The following CLOCK variants were observed in gnomAD, a reference collection of about 807,000 sequenced individuals.
The protein encoded by CLOCK is circadian locomoter output cycles protein kaput.
A neutral mutation model predicts 118.4 loss-of-function variants in CLOCK; 43 were observed. The observed-to-expected ratio is 0.36, with a 90% CI of 0.28 to 0.47. CLOCK has a LOEUF of 0.47. CLOCK is among the 20% of genes least tolerant of loss of function. The pLI is 1.00. For synonymous variants in CLOCK, 326 were observed against 339.2 expected, an observed-to-expected ratio of 0.96 and a Z score of 0.43; for missense variants, 846 against 999.9, an observed-to-expected ratio of 0.85 and a Z score of 2.08.
At chr4:55,477,086 G>A (rs1294442791) in intron 6 of CLOCK, among the ~76,000 whole-genome samples, 2 of 151,924 alleles carry the variant, frequency 1.3e-5, no homozygotes, top group African/African-American at 4.8e-5. Flanking sequence ...TTGGGAAAAG[G>A]ATTTAAATCC....
rs1722603467 is a variant in CLOCK at position 55,432,713 on chromosome 4, TCTTCCA to T, written c.*2696_*2701del. 6.6e-6 allele frequency: 1 copy of T among 152,144 alleles called. No individual in the cohort carries two copies. The highest frequency in any genetic ancestry group is 2.4e-5 in the African/African-American group (1 of 41,426). 9.4% of individuals were successfully genotyped at this position (152,144 alleles called of 1,614,324 possible). ...AAAGAGGCAGCTGGTGCTTACTACCTCTTCCACTACTACGCTTCAGACTGACAGAAA... is the reference window on the plus strand; with the variant it reads ...AAAGAGGCAGCTGGTGCTTACTACCTCTACTACGCTTCAGACTGACAGAAA... On this transcript the variant is annotated 3_prime_UTR_variant, in exon 23 of 23. Coordinates refer to ENST00000513440, the MANE Select transcript of CLOCK (RefSeq NM_004898.4).
intron 1 of CLOCK, among the ~76,000 whole-genome samples, chr4:55,530,022 T>A (rs1171876079): frequency 6.6e-6 from 1 of 152,226 alleles, no homozygotes; most frequent in Non-Finnish European, 1.5e-5. Flanking sequence ...AATATTCTGC[T>A]AGTAAGTATC....
chr4:55,499,758 T>C (rs1728315119), intron 2 of CLOCK, among the ~76,000 whole-genome samples: 3 of 152,354 alleles, frequency 2.0e-5, no homozygotes, highest in South Asian at 2.1e-4. Flanking sequence ...TGAGCAGTGG[T>C]TTACACCATA....
intron 1 of CLOCK, among the ~76,000 whole-genome samples, chr4:55,539,981 C>T (rs111240180): frequency 0.034 from 5,101 of 149,948 alleles, 103 homozygotes; most frequent in Non-Finnish European, 0.054. Flanking sequence ...ACAGCACTTT[C>T]GGTGGTATGA....
chr4:55,530,932 G>A lies in CLOCK; in HGVS notation c.-290+15850C>T, dbSNP rs994990217. Among the ~76,000 whole-genome samples, 11 of 152,014 alleles carry A rather than the reference G, an allele frequency of 7.2e-5. No individual in the cohort carries two copies. The East Asian group carries it at 2.1e-3, about 29-fold the overall frequency. On this transcript the variant is annotated intron_variant, in intron 1 of 22. Transcript: ENST00000513440. The stretch of plus-strand genomic sequence containing the variant: ...TACACAGCAGCTTCCAACCTGTCAA[G>A]ACTGAAGCAGGAAGTAGGAGGGCTC...
chr4:55,498,626 T>TATTATTATTA, intron 2 of CLOCK, among the ~76,000 whole-genome samples: 1 of 150,198 alleles, frequency 6.7e-6, no homozygotes, highest in African/African-American at 2.4e-5. Context: ...TTATTATTAT[T>TATTATTATTA]TTAACCCACT....
Position 55,449,465 on chromosome 4 carries a change from G to A in CLOCK, c.1380C>T (p.Ser460=). ...CTGGTAAATGCTGCCTGGGTGGAGT[G>A]CTCGTATCCGTCGGGATCTTGGTTG... ...STPTKIPTDT[S]TPPRQHLPAH... Residue 460 remains serine (S), a synonymous_variant, in exon 17 of 23, where the codon AGC becomes AGT. Transcript: ENST00000513440. 6.2e-7 allele frequency: 1 copy of A among 1,614,006 alleles called. No individual in the cohort carries two copies. Among genetic ancestry groups the A allele is most frequent in the Non-Finnish European group, 8.5e-7 (1 of 1,179,942 alleles).
Position 55,476,022 on chromosome 4 carries a change from G to C in CLOCK, c.289C>G (p.Arg97Gly). Residue 97 changes from arginine to glycine, a missense_variant, in exon 7 of 23, where the codon CGA becomes GGA. Transcript: ENST00000513440. ...AGGAATGTAGGTTTCCAGTCCTGTC[G>C]AATTTCACTAGCATCTGACTGTGCA... The part of the protein sequence containing the change: ...ITAQSDASEI[R>G]QDWKPTFLSN... 1 of 1,612,858 alleles carries C rather than the reference G, an allele frequency of 6.2e-7. No homozygotes were observed. Among genetic ancestry groups the C allele is most frequent in the Non-Finnish European group, 8.5e-7 (1 of 1,179,114 alleles).
chr4:55,443,072 G>GCTTC (rs1188869966), intron 20 of CLOCK, among the ~76,000 whole-genome samples: 1 of 152,122 alleles, frequency 6.6e-6, no homozygotes, highest in Non-Finnish European at 1.5e-5. Context: ...ATGGGAACAG[G>GCTTC]CTTCCTGGTC....
At chr4:55,498,473 G>GA (rs1380697351) in intron 2 of CLOCK, among the ~76,000 whole-genome samples, 1 of 151,922 alleles carries the variant, frequency 6.6e-6, no homozygotes, top group Non-Finnish European at 1.5e-5. Flanking sequence ...TTATATTTAG[G>GA]AAAAAATGTA....
At chr4:55,511,694 C>T (rs1729157989) in intron 1 of CLOCK, among the ~76,000 whole-genome samples, 1 of 152,166 alleles carries the variant, frequency 6.6e-6, no homozygotes, top group African/African-American at 2.4e-5. Flanking sequence ...AACATAATGG[C>T]ATGCATCCAC....
intron 2 of CLOCK, among the ~76,000 whole-genome samples, chr4:55,489,761 AC>A (rs1727548507): frequency 1.3e-5 from 2 of 152,188 alleles, no homozygotes; most frequent in African/African-American, 4.8e-5. Context: ...GACATCAATA[AC>A]AAGGGAAGAG....
At position 55,431,960 on chromosome 4, in the gene CLOCK, T is replaced by TTTAA. The variant is rs1382767084; in HGVS notation, c.*3451_*3454dup. The TTTAA allele has an allele frequency of 6.6e-6, 1 of 152,244 alleles. No individual in the cohort carries two copies. The highest frequency in any genetic ancestry group is 1.5e-5 in the Non-Finnish European group (1 of 68,050). The allele number at this position is 152,244 out of a possible 1,614,324, so 9.4% of individuals were successfully genotyped here. The stretch of plus-strand genomic sequence containing the variant: ...GTGCTCCTAGCGTCAAGCAGACTGC[T>TTTAA]TTAAGGCAATGACCAACAACTACAG... On this transcript the variant is annotated 3_prime_UTR_variant, in exon 23 of 23. Coordinates refer to ENST00000513440, the MANE Select transcript of CLOCK (RefSeq NM_004898.4).
At chr4:55,539,350 G>A (rs1731104296) in intron 1 of CLOCK, among the ~76,000 whole-genome samples, 1 of 152,038 alleles carries the variant, frequency 6.6e-6, no homozygotes, top group Admixed American at 6.6e-5. Flanking sequence ...AAGGTGGGGG[G>A]ATCTCTTAAG....
At chr4:55,442,286 G>A in intron 21 of CLOCK, 146 bp downstream of exon 21, 2 of 735,956 alleles carry the variant, frequency 2.7e-6, no homozygotes, top group Non-Finnish European at 4.6e-6. Flanking sequence ...AATACATTCA[G>A]TGTTTTTATT....
chr4:55,475,714 G>C (rs1726466188), intron 7 of CLOCK, among the ~76,000 whole-genome samples: 1 of 152,120 alleles, frequency 6.6e-6, no homozygotes, highest in South Asian at 2.1e-4. Context: ...ATGATTGTTA[G>C]CATTTTTTAG....
chr4:55,491,300 A>G (rs1371598061), intron 2 of CLOCK, among the ~76,000 whole-genome samples: 2 of 150,572 alleles, frequency 1.3e-5, no homozygotes, highest in Admixed American at 1.3e-4. Flanking sequence ...TCAAAGAACT[A>G]GAAAAAGAAG....
rs142496632 is a variant in CLOCK at position 55,454,420 on chromosome 4, C to A, written c.983-596G>T. ...ACTTGAGGTCAGGAGTTTGAGACCA[C>A]CCTGGCTCACATAGTGAAACCCCAT... On this transcript the variant is annotated intron_variant, in intron 13 of 22. Coordinates refer to ENST00000513440, the MANE Select transcript of CLOCK (RefSeq NM_004898.4). Among the ~76,000 whole-genome samples the A allele has an allele frequency of 6.4e-3, 973 of 151,752 alleles. 16 individuals carry two copies. The highest frequency in any genetic ancestry group is 0.022 in the African/African-American group (904 of 41,368).
intron 20 of CLOCK, among the ~76,000 whole-genome samples, 197 bp downstream of exon 20, chr4:55,443,490 A>G (rs1229217608): frequency 2.0e-4 from 30 of 146,712 alleles, no homozygotes; most frequent in Non-Finnish European, 2.7e-4. Flanking sequence ...AAAAAAAAAG[A>G]AAAAAAAAAG....
Sources: gnomAD v4.1 joint callset for allele counts (sites outside exome capture counted in the v4.1 genomes callset) on GRCh38, gnomAD v4.1.1 for gene constraint, MANE v1.5 for transcripts, NCBI Gene and HGNC (gene_info 2026-07-23, HGNC 2026-07-21) for gene names.